The following CFH variants were observed in gnomAD, a reference collection of about 807,000 sequenced individuals.
CFH encodes complement factor H, also known as H factor 1 (complement).
In CFH, 53 loss-of-function variants were observed where a neutral mutation model predicts 147.3. The observed-to-expected ratio is 0.36, with a 90% CI of 0.29 to 0.45. The LOEUF (loss-of-function observed/expected upper bound fraction) is 0.45, where lower values mean the gene tolerates loss of function less well. Ranked by LOEUF, CFH falls within the 20% of genes least tolerant of loss-of-function variation. The probability of loss-of-function intolerance (pLI) is 1.00; values close to 1 mark genes in which losing one functional copy is unlikely to be tolerated. For synonymous variants in CFH, 536 were observed against 489.4 expected, an observed-to-expected ratio of 1.10 and a Z score of -1.26; for missense variants, 1,380 against 1,498.0, an observed-to-expected ratio of 0.92 and a Z score of 1.30.
chr1:196,715,454 CCAGT>C (rs966645382), intron 10 of CFH, 135 bp from the exon 11 acceptor site: 3 of 651,852 alleles, frequency 4.6e-6, no homozygotes, highest in Non-Finnish European at 8.0e-6. Flanking sequence ...CAAATTCTCA[CCAGT>C]CATAGATTAT....
At chr1:196,705,271 T>C (rs1316392108) in intron 9 of CFH, among the ~76,000 whole-genome samples, 1 of 152,082 alleles carries the variant, frequency 6.6e-6, no homozygotes, top group Admixed American at 6.5e-5. Flanking sequence ...AACTCAATTA[T>C]ATATTTTAGG....
chr1:196,688,713 C>G (rs145845440), intron 7 of CFH, among the ~76,000 whole-genome samples: 1 of 152,204 alleles, frequency 6.6e-6, no homozygotes, highest in South Asian at 2.1e-4. Flanking sequence ...TGGGTTCAAG[C>G]GATTCTCCTG....
intron 1 of CFH, among the ~76,000 whole-genome samples, chr1:196,671,760 GAT>G (rs4044888): frequency 6.7e-6 from 1 of 148,738 alleles, no homozygotes; most frequent in Non-Finnish European, 1.5e-5. Flanking sequence ...GTGAGCATAT[GAT>G]ATATATATAA....
intron 11 of CFH, 47 bp from the exon 12 acceptor site, chr1:196,725,074 C>T (rs1669103743): frequency 6.6e-7 from 1 of 1,514,180 alleles, no homozygotes; most frequent in Non-Finnish European, 9.1e-7. Flanking sequence ...TTAACTTTGG[C>T]AATGATTAAT....
At chr1:196,718,360 T>C (rs992107240) in intron 11 of CFH, among the ~76,000 whole-genome samples, 40 of 152,140 alleles carry the variant, frequency 2.6e-4, no homozygotes, top group Admixed American at 1.3e-4. Flanking sequence ...CTGTTTTACA[T>C]AGGAAGTCAT....
At chr1:196,711,395 G>T (rs1668719666) in intron 9 of CFH, among the ~76,000 whole-genome samples, 1 of 152,012 alleles carries the variant, frequency 6.6e-6, no homozygotes, top group South Asian at 2.1e-4. Flanking sequence ...CTGGAGTAGG[G>T]TGAGTATTCC....
intron 1 of CFH, among the ~76,000 whole-genome samples, chr1:196,666,338 CA>C (rs1261040460): frequency 2.6e-5 from 4 of 152,074 alleles, no homozygotes; most frequent in African/African-American, 9.7e-5. Flanking sequence ...TGATTTCCAA[CA>C]GTTTTTTATT....
chr1:196,660,884 T>G (rs1666874464), intron 1 of CFH, among the ~76,000 whole-genome samples: 1 of 152,162 alleles, frequency 6.6e-6, no homozygotes, highest in African/African-American at 2.4e-5. Context: ...CACCTGGAAA[T>G]ATAATAATAA....
intron 18 of CFH, 157 bp from the exon 19 acceptor site, chr1:196,741,718 T>G (rs908629006): frequency 1.1e-5 from 7 of 649,126 alleles, no homozygotes; most frequent in African/African-American, 7.3e-5. Flanking sequence ...TTAATGTAAT[T>G]AAGACAAAAT....
chr1:196,715,464 A>T (rs991130031), intron 10 of CFH, 129 bp from the exon 11 acceptor site: 1 of 704,496 alleles, frequency 1.4e-6, no homozygotes, highest in Admixed American at 2.4e-5. Context: ...CCAGTCATAG[A>T]TTATTTTTGT....
chr1:196,745,726 A>G (rs1487534891), intron 20 of CFH, 91 bp from the exon 21 acceptor site: 1 of 1,548,362 alleles, frequency 6.5e-7, no homozygotes, highest in Non-Finnish European at 8.9e-7. Context: ...TGTTGATATT[A>G]TATACAGTGC....
At chr1:196,733,523 C>T (rs1019849890) in intron 15 of CFH, among the ~76,000 whole-genome samples, 11 of 152,020 alleles carry the variant, frequency 7.2e-5, no homozygotes, top group Non-Finnish European at 1.6e-4. Flanking sequence ...TGAGGATAAA[C>T]AGGGGAGCTG....
chr1:196,656,904 C>T (rs1558148097), intron 1 of CFH, among the ~76,000 whole-genome samples: 2 of 152,084 alleles, frequency 1.3e-5, no homozygotes, highest in Admixed American at 6.6e-5. Flanking sequence ...ATGTGACTAT[C>T]GTCTATTCTC....
chr1:196,682,729 A>G (rs541805733), intron 6 of CFH, among the ~76,000 whole-genome samples: 3 of 151,820 alleles, frequency 2.0e-5, no homozygotes, highest in South Asian at 2.1e-4. Flanking sequence ...AACATCAAAC[A>G]CTGAAGACAT....
At chr1:196,740,567 T>C in intron 17 of CFH, 52 bp from the exon 18 acceptor site, 1 of 1,561,328 alleles carries the variant, frequency 6.4e-7, no homozygotes. Flanking sequence ...AACAGGCATA[T>C]AAAATTAAAT....
rs558474289 is a variant in CFH at position 196,745,805 on chromosome 1, G to T, written c.3311-12G>T. Reference sequence around the variant, plus strand: ...CTCACAACAAATCAAGTGATGAAATGATGTTTTTTAGATTCTACAGGAAAA... The same window carrying T: ...CTCACAACAAATCAAGTGATGAAATTATGTTTTTTAGATTCTACAGGAAAA... On this transcript the variant is annotated splice_polypyrimidine_tract_variant and intron_variant, in intron 20 of 21. Coordinates refer to ENST00000367429, the MANE Select transcript of CFH (RefSeq NM_000186.4). 1.2e-6 allele frequency: 2 copies of T among 1,613,992 alleles called. No homozygotes were observed. Among genetic ancestry groups the T allele is most frequent in the Admixed American group, 1.7e-5 (1 of 60,004 alleles).
chr1:196,678,412 A>C (rs1667531758), intron 5 of CFH: 1 of 151,942 alleles, frequency 6.6e-6, no homozygotes, highest in Admixed American at 6.6e-5. Flanking sequence ...TTTACCAATA[A>C]TTGTTTGGCA....
rs572618037 is a variant in CFH at position 196,696,336 on chromosome 1, T to C, written c.1336+6097T>C. Among the ~76,000 whole-genome samples, 5 of 152,264 alleles carry C rather than the reference T, an allele frequency of 3.3e-5. No individual in the cohort carries two copies. In the South Asian group the frequency reaches 6.2e-4, roughly 19 times the overall value. On this transcript the variant is annotated intron_variant, in intron 9 of 21. Coordinates refer to ENST00000367429, the MANE Select transcript of CFH (RefSeq NM_000186.4). ...CAAAACTACACAACTACATGGAAAC[T>C]GAACAACCTGCTACTGAATGACTAC... is the stretch of plus-strand genomic sequence containing the variant.
At chr1:196,711,768 T>C (rs999362487) in intron 9 of CFH, among the ~76,000 whole-genome samples, 9 of 152,092 alleles carry the variant, frequency 5.9e-5, no homozygotes, top group African/African-American at 2.2e-4. Context: ...CTGTGTTGTG[T>C]GTGTGCTCTG....
Sources: allele counts gnomAD v4.1 joint callset (sites outside exome capture counted in the v4.1 genomes callset), GRCh38; gene constraint gnomAD v4.1.1; transcripts MANE v1.5; gene names NCBI Gene and HGNC (gene_info 2026-07-23, HGNC 2026-07-21).